Variants in SLC44A3 observed in about 807,000 individuals in gnomAD.
SLC44A3 encodes the protein choline transporter-like protein 3.
SLC44A3 carries 74 observed loss-of-function variants against 75.4 expected under a neutral mutation model. The observed-to-expected ratio is 0.98, with a 90% CI of 0.81 to 1.19. The LOEUF is 1.19. Ranked by LOEUF, SLC44A3 falls within the 50% of genes most tolerant of loss-of-function variation. The pLI is 0.00. For synonymous variants in SLC44A3, 310 were observed against 296.9 expected, an observed-to-expected ratio of 1.04 and a Z score of -0.45; for missense variants, 700 against 778.6, an observed-to-expected ratio of 0.90 and a Z score of 1.20.
chr1:94,887,536 C>T (rs964967980), intron 12 of SLC44A3, among the ~76,000 whole-genome samples: 1 of 152,178 alleles, frequency 6.6e-6, no homozygotes, highest in Non-Finnish European at 1.5e-5. Flanking sequence ...GGAGTCAACA[C>T]ATGCATGAGA....
chr1:94,838,185 T>C (rs555687008), intron 6 of SLC44A3, among the ~76,000 whole-genome samples: 1 of 152,320 alleles, frequency 6.6e-6, no homozygotes, highest in African/African-American at 2.4e-5. Context: ...AAAATACAAC[T>C]GTCAGGGTGA....
chr1:94,881,518 CA>C (rs1668981264), intron 12 of SLC44A3, among the ~76,000 whole-genome samples: 1 of 151,226 alleles, frequency 6.6e-6, no homozygotes, highest in Non-Finnish European at 1.5e-5. Context: ...TCCTGGCTAA[CA>C]TGGTGAAACC....
chr1:94,854,439 G>A (rs970881830), intron 9 of SLC44A3, among the ~76,000 whole-genome samples: 1 of 152,060 alleles, frequency 6.6e-6, no homozygotes, highest in African/African-American at 2.4e-5. Flanking sequence ...TCATATCTTG[G>A]GATCTACCCA....
chr1:94,838,119 C>G (rs1663068723), intron 6 of SLC44A3, among the ~76,000 whole-genome samples: 1 of 152,200 alleles, frequency 6.6e-6, no homozygotes, highest in South Asian at 2.1e-4. Context: ...CTAGTGTCTG[C>G]TCCTCACTGG....
chr1:94,825,322 T>C (rs1374541574), intron 3 of SLC44A3, among the ~76,000 whole-genome samples: 1 of 152,196 alleles, frequency 6.6e-6, no homozygotes, highest in African/African-American at 2.4e-5. Context: ...AAAAAAATGA[T>C]GTTTTATTTT....
intron 11 of SLC44A3, among the ~76,000 whole-genome samples, chr1:94,865,371 G>C (rs570191889): frequency 1.3e-4 from 20 of 152,208 alleles, no homozygotes; most frequent in African/African-American, 4.1e-4. Flanking sequence ...GGAAATTCCT[G>C]GTGTGTGTGA....
chr1:94,887,311 T>G (rs1669688390), intron 12 of SLC44A3, among the ~76,000 whole-genome samples: 1 of 152,116 alleles, frequency 6.6e-6, no homozygotes, highest in South Asian at 2.1e-4. Context: ...ATCCGTATCC[T>G]GTGTCTTGAG....
intron 3 of SLC44A3, among the ~76,000 whole-genome samples, chr1:94,825,178 C>T (rs1661141473): frequency 6.6e-6 from 1 of 152,156 alleles, no homozygotes; most frequent in Non-Finnish European, 1.5e-5. Flanking sequence ...CCACCTCCCA[C>T]AGGGAAACAG....
rs1256350313 is a variant in SLC44A3, at chr1:94,821,023, G to C, written c.102G>C (p.Trp34Cys). Residue 34 changes from tryptophan (W) to cysteine (C), a missense_variant, in exon 2 of 15, where the codon TGG (tryptophan) becomes TGC (cysteine). Coordinates refer to ENST00000271227, the MANE Select transcript of SLC44A3 (RefSeq NM_001114106.3). Reference sequence around the variant, plus strand: ...ATAGGAAATGCACAGATACGGCATGGTTATTCCTGTTCTTTCTCTTTTGGA... The same window carrying C: ...ATAGGAAATGCACAGATACGGCATGCTTATTCCTGTTCTTTCTCTTTTGGA... ...QIYRKCTDTA[W>C]LFLFFLFWTG... is the part of the protein sequence containing the mutation. The C allele has an allele frequency of 1.3e-6, 2 of 1,551,440 alleles. No individual in the cohort carries two copies. The highest frequency in any genetic ancestry group is 1.7e-6 in the Non-Finnish European group (2 of 1,146,904).
chr1:94,833,360 T>A (rs1280502692), intron 5 of SLC44A3, among the ~76,000 whole-genome samples: 1 of 152,176 alleles, frequency 6.6e-6, no homozygotes, highest in African/African-American at 2.4e-5. Flanking sequence ...GCATCTGTGC[T>A]CTGGCTGGTC....
At position 94,892,528 on chromosome 1, in the gene SLC44A3, A is replaced by T; in HGVS notation, c.1857+11A>T. The T allele has an allele frequency of 6.2e-7, 1 of 1,611,926 alleles. No individual in the cohort carries two copies. The highest frequency in any genetic ancestry group is 1.3e-5 in the African/African-American group (1 of 74,908). ...GATCAAGAATTTCTGGTAAGCAAAC[A>T]TTTCATTTCCAATTGCAATCTCCAT... On this transcript the variant is annotated intron_variant, in intron 14 of 14. Coordinates refer to ENST00000271227, the MANE Select transcript of SLC44A3 (RefSeq NM_001114106.3).
intron 12 of SLC44A3, among the ~76,000 whole-genome samples, chr1:94,884,792 T>C (rs1460764831): frequency 6.6e-6 from 1 of 152,066 alleles, no homozygotes; most frequent in Admixed American, 6.6e-5. Context: ...TGGCTAAGCG[T>C]TTGATTTCAG....
intron 10 of SLC44A3, among the ~76,000 whole-genome samples, chr1:94,864,339 A>AT (rs1291671420): frequency 6.6e-6 from 1 of 152,092 alleles, no homozygotes; most frequent in South Asian, 2.1e-4. Context: ...TTTGGTGATG[A>AT]TTTTTAATCA....
At chr1:94,837,637 G>T in intron 5 of SLC44A3, 74 bp from the exon 6 acceptor site, 2 of 1,425,162 alleles carry the variant, frequency 1.4e-6, no homozygotes, top group Non-Finnish European at 1.9e-6. Context: ...TGGTTATTGA[G>T]AATGTTAAAT....
At chr1:94,891,099 T>G (rs778662377) in intron 12 of SLC44A3, 31 bp from the exon 13 acceptor site, 3 of 1,569,768 alleles carry the variant, frequency 1.9e-6, no homozygotes, top group Middle Eastern at 1.8e-4. Flanking sequence ...GTTATAAGAA[T>G]TATCTTTTAA....
At chr1:94,828,645 G>GCTTC in intron 5 of SLC44A3, 59 bp downstream of exon 5, 1 of 1,454,750 alleles carries the variant, frequency 6.9e-7, no homozygotes, top group Non-Finnish European at 9.6e-7. Flanking sequence ...TACTTGGTGT[G>GCTTC]CATCTGTTAC....
At chr1:94,887,913 C>T (rs968659853) in intron 12 of SLC44A3, among the ~76,000 whole-genome samples, 1 of 152,174 alleles carries the variant, frequency 6.6e-6, no homozygotes, top group African/African-American at 2.4e-5. Flanking sequence ...CAGGCCCCTG[C>T]CACACCTCCT....
At position 94,827,535 on chromosome 1, in the gene SLC44A3, C is replaced by A. The variant is rs752545212; in HGVS notation, c.307C>A (p.Leu103Met). 15 of 1,614,064 alleles carry A rather than the reference C, an allele frequency of 9.3e-6. No individual in the cohort carries two copies. The East Asian group carries it at 3.3e-4, about 36-fold the overall frequency. The part of the protein sequence containing the change: ...KHVFFMNSCN[L>M]EVKGTQLNRM... The stretch of plus-strand genomic sequence containing the variant: ...CGTGTTCTTTATGAATTCCTGCAAC[C>A]TGGAAGTCAAAGGTACGCAGCTCAA... Residue 103 changes from leucine (L) to methionine (M), a missense_variant, in exon 4 of 15, where the codon CTG (leucine) becomes ATG (methionine). Leu to Met is a conservative substitution (Grantham distance 15). Transcript: ENST00000271227.
chr1:94,888,639 T>A, intron 12 of SLC44A3: 1 of 973,316 alleles, frequency 1.0e-6, no homozygotes, highest in Non-Finnish European at 1.2e-6. Context: ...TTGTGGAACT[T>A]TCTTTTTTTT....
Sources: gnomAD v4.1 joint callset for allele counts (sites outside exome capture counted in the v4.1 genomes callset) on GRCh38, gnomAD v4.1.1 for gene constraint, MANE v1.5 for transcripts, NCBI Gene and HGNC (gene_info 2026-07-23, HGNC 2026-07-21) for gene names.